RNF13: variants seen among roughly 807,000 people sequenced by gnomAD.
RNF13 encodes ring finger protein 13.
RNF13 carries 19 observed loss-of-function variants against 37.7 expected under a neutral mutation model. That is an observed-to-expected ratio of 0.50 (90% CI 0.35 to 0.74). The LOEUF is 0.74. RNF13 is among the 30% of genes least tolerant of loss of function. RNF13 has a pLI of 0.01. For synonymous variants in RNF13, 144 were observed against 157.8 expected, an observed-to-expected ratio of 0.91 and a Z score of 0.65; for missense variants, 375 against 453.0, an observed-to-expected ratio of 0.83 and a Z score of 1.56.
In RNF13 at chr3:149,938,458, C is replaced by T. The variant is rs574992689; in HGVS notation, c.700+17231C>T. On this transcript the variant is annotated intron_variant, in intron 8 of 9. Coordinates refer to ENST00000392894, the MANE Select transcript of RNF13 (RefSeq NM_183381.3). The stretch of plus-strand genomic sequence containing the variant: ...AAAGTCCTGGAATTACAGGTATGAG[C>T]CACCGTGCCTGGCCATATTGTTATT... Among the ~76,000 whole-genome samples, 252 of 151,482 alleles carry T rather than the reference C, an allele frequency of 1.7e-3. 1 individual carries two copies. Among genetic ancestry groups the T allele is most frequent in the African/African-American group, 5.8e-3 (239 of 41,428 alleles).
intron 8 of RNF13, among the ~76,000 whole-genome samples, chr3:149,952,154 A>T (rs925031994): frequency 6.6e-6 from 1 of 152,218 alleles, no homozygotes; most frequent in African/African-American, 2.4e-5. Context: ...ATTCTACATT[A>T]ACAAGGTAAA....
chr3:149,956,448 C>A (rs1721874555), intron 8 of RNF13, among the ~76,000 whole-genome samples: 1 of 152,190 alleles, frequency 6.6e-6, no homozygotes, highest in African/African-American at 2.4e-5. Flanking sequence ...ACTGCCTTGG[C>A]TACCTAGGTC....
chr3:149,914,945 A>G (rs1717357097), intron 7 of RNF13, among the ~76,000 whole-genome samples: 1 of 152,154 alleles, frequency 6.6e-6, no homozygotes, highest in South Asian at 2.1e-4. Flanking sequence ...TCTCAAAAAA[A>G]AAAAAAGTCA....
At chr3:149,889,454 G>A (rs1714445606) in intron 4 of RNF13, among the ~76,000 whole-genome samples, 1 of 144,138 alleles carries the variant, frequency 6.9e-6, no homozygotes, top group South Asian at 2.2e-4. Flanking sequence ...ACAGGCGTGT[G>A]CCACCATGCC....
At chr3:149,873,785 C>T (rs1384972544) in intron 4 of RNF13, among the ~76,000 whole-genome samples, 2 of 152,242 alleles carry the variant, frequency 1.3e-5, no homozygotes, top group Non-Finnish European at 2.9e-5. Context: ...GCCACCCTTC[C>T]ACTTTGTAAA....
At chr3:149,928,797 C>T (rs987875718) in intron 8 of RNF13, among the ~76,000 whole-genome samples, 2 of 152,048 alleles carry the variant, frequency 1.3e-5, no homozygotes, top group African/African-American at 2.4e-5. Context: ...ATTAAGTCTT[C>T]CAATCCATGA....
intron 1 of RNF13, among the ~76,000 whole-genome samples, chr3:149,832,685 GA>G (rs1282226477): frequency 6.6e-6 from 1 of 152,040 alleles, no homozygotes; most frequent in Non-Finnish European, 1.5e-5. Context: ...ACTAAAATCA[GA>G]AATGAAAGAG....
intron 4 of RNF13, among the ~76,000 whole-genome samples, chr3:149,889,114 C>T (rs1302864512): frequency 3.7e-4 from 52 of 139,022 alleles, no homozygotes; most frequent in African/African-American, 1.5e-3. Flanking sequence ...AATTTTTGTA[C>T]TTTTAGTAGA....
chr3:149,895,219 A>T (rs1030601057), intron 4 of RNF13: 2 of 321,518 alleles, frequency 6.2e-6, no homozygotes, highest in Admixed American at 9.5e-5. Flanking sequence ...AAAAGAAGTA[A>T]TTTGCTCAAG....
chr3:149,871,995 A>G, intron 3 of RNF13, 34 bp from the exon 4 acceptor site: 1 of 1,559,326 alleles, frequency 6.4e-7, no homozygotes, highest in Non-Finnish European at 8.7e-7. Flanking sequence ...TACTGAGTGA[A>G]ACAGAGAGAT....
At chr3:149,851,777 C>G (rs1398450484) in intron 2 of RNF13, 1 of 152,152 alleles carries the variant, frequency 6.6e-6, no homozygotes, top group East Asian at 1.9e-4. Flanking sequence ...TCCCTTGTTT[C>G]TCTTGCTCTC....
chr3:149,821,182 C>T (rs1719961197), intron 1 of RNF13, among the ~76,000 whole-genome samples: 1 of 151,986 alleles, frequency 6.6e-6, no homozygotes, highest in Admixed American at 6.6e-5. Context: ...GGGTATATAC[C>T]AAGAATGGAA....
chr3:149,861,995 G>T (rs1388236843), intron 3 of RNF13, among the ~76,000 whole-genome samples: 1 of 151,764 alleles, frequency 6.6e-6, no homozygotes, highest in African/African-American at 2.4e-5. Flanking sequence ...TAGATGTTTG[G>T]GTACAACTGT....
At chr3:149,935,844 A>G (rs1719618497) in intron 8 of RNF13, among the ~76,000 whole-genome samples, 2 of 152,160 alleles carry the variant, frequency 1.3e-5, no homozygotes, top group Non-Finnish European at 2.9e-5. Context: ...TTTACCAATA[A>G]CTTTTATAAC....
chr3:149,842,052 T>C (rs188916049), intron 1 of RNF13, among the ~76,000 whole-genome samples: 1 of 152,342 alleles, frequency 6.6e-6, no homozygotes, highest in East Asian at 1.9e-4. Flanking sequence ...TCTTGACTTT[T>C]GTGAAATCAG....
intron 8 of RNF13, among the ~76,000 whole-genome samples, chr3:149,932,488 C>G (rs569964935): frequency 9.2e-5 from 14 of 152,108 alleles, no homozygotes; most frequent in Non-Finnish European, 1.2e-4. Context: ...CCCGTAAAAT[C>G]AAAAACAAAT....
At chr3:149,872,784 T>C (rs1401409668) in intron 4 of RNF13, among the ~76,000 whole-genome samples, 1 of 152,248 alleles carries the variant, frequency 6.6e-6, no homozygotes, top group Non-Finnish European at 1.5e-5. Flanking sequence ...TATTATTTCA[T>C]GTCACTTGGT....
chr3:149,933,740 C>T (rs952124115), intron 8 of RNF13, among the ~76,000 whole-genome samples: 8 of 151,904 alleles, frequency 5.3e-5, no homozygotes, highest in African/African-American at 1.7e-4. Flanking sequence ...CCCACGACCA[C>T]GCCTGGCTAA....
At chr3:149,823,044 A>G (rs753993726) in intron 1 of RNF13, among the ~76,000 whole-genome samples, 2 of 152,140 alleles carry the variant, frequency 1.3e-5, no homozygotes, top group Non-Finnish European at 1.5e-5. Context: ...CAATACTTGG[A>G]TGATTTGGGA....
Sources: gnomAD v4.1 joint callset for allele counts (sites outside exome capture counted in the v4.1 genomes callset) on GRCh38, gnomAD v4.1.1 for gene constraint, MANE v1.5 for transcripts, NCBI Gene and HGNC (gene_info 2026-07-23, HGNC 2026-07-21) for gene names.